Variants in STX8 observed in about 807,000 individuals in gnomAD.
The protein encoded by STX8 is syntaxin-8.
A neutral mutation model predicts 37.5 loss-of-function variants in STX8; 23 were observed. The ratio of observed to expected loss-of-function variants is 0.61; its 90% confidence interval spans 0.44 to 0.87. STX8 has a LOEUF of 0.87. Ranked by LOEUF, STX8 falls within the 40% of genes least tolerant of loss-of-function variation. The pLI, the probability that STX8 is intolerant of heterozygous loss-of-function variation, is 0.00. For synonymous variants in STX8, 115 were observed against 99.1 expected (o/e 1.16, Z -0.95); for missense variants, 313 against 284.7 (o/e 1.10, Z -0.71).
intron 7 of STX8, among the ~76,000 whole-genome samples, chr17:9,352,715 G>T (rs1310575983): frequency 1.3e-5 from 2 of 150,134 alleles, no homozygotes; most frequent in Non-Finnish European, 3.0e-5. Context: ...TGTTAGCCAG[G>T]ATGGTCTCGA....
intron 5 of STX8, among the ~76,000 whole-genome samples, chr17:9,493,967 G>C (rs1906970087): frequency 6.7e-6 from 1 of 150,224 alleles, no homozygotes; most frequent in Non-Finnish European, 1.5e-5. Flanking sequence ...TCTATATTTT[G>C]ATGTTGAAAG....
chr17:9,443,468 T>C (rs768674370), intron 6 of STX8, among the ~76,000 whole-genome samples: 39 of 152,168 alleles, frequency 2.6e-4, no homozygotes, highest in Non-Finnish European at 3.1e-4. Flanking sequence ...TGGTATGATA[T>C]TGGAGGGTAC....
At chr17:9,456,182 G>A (rs571619437) in intron 6 of STX8, among the ~76,000 whole-genome samples, 21 of 152,166 alleles carry the variant, frequency 1.4e-4, no homozygotes, top group African/African-American at 4.6e-4. Context: ...ATTTTCCCAC[G>A]GAAATGAATT....
intron 6 of STX8, among the ~76,000 whole-genome samples, chr17:9,415,083 G>A (rs535741687): frequency 1.3e-5 from 2 of 152,028 alleles, no homozygotes; most frequent in African/African-American, 4.8e-5. Context: ...GAGCCACCAC[G>A]CCCGGTCTGC....
intron 7 of STX8, among the ~76,000 whole-genome samples, chr17:9,291,559 T>C (rs1018720616): frequency 3.3e-5 from 5 of 152,184 alleles, no homozygotes; most frequent in African/African-American, 9.7e-5. Flanking sequence ...CAGTGCTAAA[T>C]TTAATGCTCA....
chr17:9,373,426 C>T (rs1316727268), intron 7 of STX8, among the ~76,000 whole-genome samples: 1 of 152,142 alleles, frequency 6.6e-6, no homozygotes, highest in Non-Finnish European at 1.5e-5. Context: ...TATTATTCAG[C>T]CTTACAAAGC....
intron 5 of STX8, among the ~76,000 whole-genome samples, chr17:9,495,727 A>T (rs1904367427): frequency 6.6e-6 from 1 of 152,238 alleles, no homozygotes; most frequent in African/African-American, 2.4e-5. Flanking sequence ...ACACAATCCA[A>T]AGACACAGAA....
intron 5 of STX8, among the ~76,000 whole-genome samples, chr17:9,496,769 G>A (rs1904420728): frequency 6.6e-6 from 1 of 152,152 alleles, no homozygotes; most frequent in Admixed American, 6.6e-5. Context: ...CCATCAGAGG[G>A]AGTATGAAGA....
At chr17:9,272,633 ACCTC>A (rs1907509621) in intron 7 of STX8, among the ~76,000 whole-genome samples, 1 of 152,074 alleles carries the variant, frequency 6.6e-6, no homozygotes, top group South Asian at 2.1e-4. Flanking sequence ...AGCACAGACA[ACCTC>A]TCCATTGCTG....
At chr17:9,363,066 G>A (rs1320212506) in intron 7 of STX8, among the ~76,000 whole-genome samples, 3 of 152,106 alleles carry the variant, frequency 2.0e-5, no homozygotes, top group Admixed American at 6.5e-5. Context: ...AACTGATTTA[G>A]TGTGAGTGCA....
intron 6 of STX8, among the ~76,000 whole-genome samples, chr17:9,482,768 G>C (rs1400176985): frequency 6.6e-6 from 1 of 152,086 alleles, no homozygotes; most frequent in African/African-American, 2.4e-5. Context: ...ACAAAAATTA[G>C]CTGGGTGTGG....
intron 6 of STX8, among the ~76,000 whole-genome samples, chr17:9,491,568 T>C (rs931226422): frequency 6.6e-6 from 1 of 152,160 alleles, no homozygotes; most frequent in Admixed American, 6.6e-5. Flanking sequence ...GAAAAGCTCT[T>C]GGGATGAATG....
At chr17:9,293,782 G>A (rs1253669189) in intron 7 of STX8, among the ~76,000 whole-genome samples, 6 of 147,542 alleles carry the variant, frequency 4.1e-5, no homozygotes, top group African/African-American at 1.3e-4. Context: ...TTTTTTTTGA[G>A]ATGGAGTCTC....
chr17:9,381,268 T>G (rs941581903), intron 6 of STX8, among the ~76,000 whole-genome samples: 4 of 151,822 alleles, frequency 2.6e-5, no homozygotes, highest in African/African-American at 9.7e-5. Context: ...TCCTCCCTCC[T>G]TCTCCCTCCT....
chr17:9,546,893 A>T (rs1415030415), intron 3 of STX8, among the ~76,000 whole-genome samples: 2 of 22,644 alleles, frequency 8.8e-5, no homozygotes. Context: ...CAGTGCGCCC[A>T]GACACAAGTT....
rs967204126 is a variant in STX8, at chr17:9,271,168, T to C, written c.644-20523A>G. Among the ~76,000 whole-genome samples the C allele has an allele frequency of 3.3e-5, 5 of 152,320 alleles. No homozygotes were observed. The East Asian group carries it at 5.8e-4, about 18-fold the overall frequency. ...CTGAAGAGACTGTTAGAAATGCAAC[T>C]TCAGGCTGGACGTAGTGGCTCATGC... On this transcript the variant is annotated intron_variant, in intron 7 of 7. Transcript: ENST00000306357.
intron 4 of STX8, among the ~76,000 whole-genome samples, chr17:9,533,367 T>C (rs910110359): frequency 1.6e-4 from 25 of 152,084 alleles, no homozygotes; most frequent in African/African-American, 6.0e-4. Context: ...ACTTGGGAGC[T>C]GAGGCAGGAG....
chr17:9,445,337 A>G (rs1219500511), intron 6 of STX8, among the ~76,000 whole-genome samples: 1 of 151,792 alleles, frequency 6.6e-6, no homozygotes, highest in African/African-American at 2.4e-5. Context: ...AAGAGACATG[A>G]TATTTCATGT....
chr17:9,547,246 C>CAAAAAAAAAAAAAAAA (rs11300957), intron 3 of STX8: 10 of 129,646 alleles, frequency 7.7e-5, no homozygotes, highest in African/African-American at 3.0e-4. Context: ...GACTCTGTCT[C>CAAAAAAAAAAAAAAAA]AAAAAAAAAA....
Sources: allele counts gnomAD v4.1 joint callset (sites outside exome capture counted in the v4.1 genomes callset), GRCh38; gene constraint gnomAD v4.1.1; transcripts MANE v1.5; gene names NCBI Gene and HGNC (gene_info 2026-07-23, HGNC 2026-07-21).